Variants in CSMD2 observed in about 807,000 individuals in gnomAD.
The protein encoded by CSMD2 is CUB and sushi domain-containing protein 2.
Under a neutral mutation model 398.5 loss-of-function variants are expected in CSMD2, and 130 were observed. The observed-to-expected ratio is 0.33, with a 90% confidence interval of 0.28 to 0.38. CSMD2 has a LOEUF of 0.38. Among genes scored for constraint, CSMD2 ranks in the 10% least tolerant of loss-of-function variants. CSMD2 has a pLI of 1.00. For missense variants in CSMD2, 3,829 were observed against 4,764.9 expected, an observed-to-expected ratio of 0.80 and a Z score of 5.78; for synonymous variants, 1,828 against 1,908.5, an observed-to-expected ratio of 0.96 and a Z score of 1.10.
At chr1:33,850,642 C>T (rs1192140230) in intron 5 of CSMD2, among the ~76,000 whole-genome samples, 1 of 152,160 alleles carries the variant, frequency 6.6e-6, no homozygotes, top group Non-Finnish European at 1.5e-5. Flanking sequence ...CCCTTTCAAA[C>T]CTTTCTGTCC....
chr1:33,874,639 T>C (rs1396475967), intron 5 of CSMD2, among the ~76,000 whole-genome samples: 11 of 152,166 alleles, frequency 7.2e-5, no homozygotes, highest in Admixed American at 7.2e-4. Context: ...CCTGGATCTA[T>C]CCCTGGGTGT....
intron 1 of CSMD2, among the ~76,000 whole-genome samples, chr1:34,106,131 T>C (rs1660501669): frequency 6.6e-6 from 1 of 152,040 alleles, no homozygotes; most frequent in South Asian, 2.1e-4. Flanking sequence ...GCAGATTGCA[T>C]ATAATATGGT....
At chr1:34,110,083 C>CTCA (rs1660918042) in intron 1 of CSMD2, among the ~76,000 whole-genome samples, 1 of 139,080 alleles carries the variant, frequency 7.2e-6, no homozygotes, top group African/African-American at 2.6e-5. Context: ...GACTAACAAG[C>CTCA]ATATAAAAAA....
chr1:33,797,760 CA>C (rs1180115077), intron 10 of CSMD2, among the ~76,000 whole-genome samples: 6 of 152,204 alleles, frequency 3.9e-5, no homozygotes, highest in African/African-American at 1.4e-4. Flanking sequence ...CTGGGCTCTG[CA>C]GGGACTGAGG....
In CSMD2 at chr1:33,519,672, C is replaced by A. The variant is rs766618327; in HGVS notation, c.10742G>T (p.Arg3581Ile). ...FVLYLYKHRR[R>I]PKVPFNGYAG... ...ATAGCCATTGAAAGGAACTTTGGGTCTTCTCCTGGCGATAAAAGAGGAAGT... is the reference window on the plus strand; with the variant it reads ...ATAGCCATTGAAAGGAACTTTGGGTATTCTCCTGGCGATAAAAGAGGAAGT... Residue 3581 changes from arginine to isoleucine, a missense_variant, in exon 70 of 71, where the codon AGA (arginine) becomes ATA (isoleucine). By Grantham distance (97) the Arg-to-Ile change is moderately conservative. Transcript: ENST00000373381. This position sits in a 1 kb window ranked among gnomAD's most constrained non-coding sequence, Gnocchi z 5.6. 1.2e-6 allele frequency: 2 copies of A among 1,613,948 alleles called. No individual in the cohort carries two copies. Among genetic ancestry groups the A allele is most frequent in the Admixed American group, 3.3e-5 (2 of 60,008 alleles).
At chr1:33,860,046 T>A (rs1461027307) in intron 5 of CSMD2, among the ~76,000 whole-genome samples, 2 of 152,198 alleles carry the variant, frequency 1.3e-5, no homozygotes, top group African/African-American at 4.8e-5. Flanking sequence ...AATGTTGGCA[T>A]CTTACATAAC....
intron 37 of CSMD2, among the ~76,000 whole-genome samples, chr1:33,618,324 T>C (rs1375325338): frequency 2.6e-5 from 4 of 152,032 alleles, no homozygotes; most frequent in Non-Finnish European, 5.9e-5. Flanking sequence ...CCACTGCTAG[T>C]CCAGTCCACC....
chr1:33,525,460 AAT>A (rs1654685331), intron 65 of CSMD2, among the ~76,000 whole-genome samples: 1 of 152,212 alleles, frequency 6.6e-6, no homozygotes, highest in Non-Finnish European at 1.5e-5. Flanking sequence ...CACAAAGATA[AAT>A]ATCATATGAT....
chr1:33,534,839 A>G (rs577352110), intron 62 of CSMD2, among the ~76,000 whole-genome samples: 14 of 152,118 alleles, frequency 9.2e-5, no homozygotes, highest in Non-Finnish European at 1.5e-4. Flanking sequence ...CGACCCCACA[A>G]TCCAACCCAT....
At chr1:33,898,861 C>T (rs1642565714) in intron 5 of CSMD2, among the ~76,000 whole-genome samples, 1 of 152,160 alleles carries the variant, frequency 6.6e-6, no homozygotes, top group Non-Finnish European at 1.5e-5. Flanking sequence ...AGGACACTTG[C>T]CCTCATGTGA....
At chr1:34,079,955 T>C (rs1299961357) in intron 2 of CSMD2, among the ~76,000 whole-genome samples, 2 of 152,034 alleles carry the variant, frequency 1.3e-5, no homozygotes, top group Non-Finnish European at 2.9e-5. Flanking sequence ...GGATAGTGAC[T>C]CTTAGCCAGG....
In CSMD2 at chr1:33,672,070, G is replaced by C. The variant is rs1006610526; in HGVS notation, c.4053-8978C>G. ...TCCCAGCATGAGTGATGCAGAAGAC[G>C]GGTGATTTCTGCATTTCCAACTGAG... On this transcript the variant is annotated intron_variant, in intron 25 of 70. Coordinates refer to ENST00000373381, the MANE Select transcript of CSMD2 (RefSeq NM_001281956.2). Among the ~76,000 whole-genome samples, 3 of 152,308 alleles carry C rather than the reference G, an allele frequency of 2.0e-5. No homozygotes were observed. In the East Asian group the frequency reaches 5.8e-4, roughly 29 times the overall value.
intron 1 of CSMD2, among the ~76,000 whole-genome samples, chr1:34,107,483 T>A (rs1660637040): frequency 6.6e-6 from 1 of 152,134 alleles, no homozygotes; most frequent in African/African-American, 2.4e-5. Flanking sequence ...CCCCATTTCA[T>A]AGGTAAGGAA....
chr1:33,957,537 G>A (rs942783541), intron 3 of CSMD2, among the ~76,000 whole-genome samples: 2 of 152,166 alleles, frequency 1.3e-5, no homozygotes, highest in African/African-American at 4.8e-5. Flanking sequence ...TCATCAAAGG[G>A]GCTGTGAGTG....
At chr1:34,029,969 G>A (rs1650205783) in intron 3 of CSMD2, among the ~76,000 whole-genome samples, 1 of 152,204 alleles carries the variant, frequency 6.6e-6, no homozygotes, top group Non-Finnish European at 1.5e-5. Context: ...CAGGTGGGAG[G>A]AGGGATCCAC....
intron 29 of CSMD2, among the ~76,000 whole-genome samples, chr1:33,644,315 G>A (rs906473764): frequency 3.3e-5 from 5 of 152,202 alleles, no homozygotes; most frequent in African/African-American, 7.2e-5. Context: ...GCATGAACAA[G>A]GTGACTGGAG....
intron 44 of CSMD2, chr1:33,599,684 G>C (rs1316270802): frequency 6.5e-6 from 1 of 154,124 alleles, no homozygotes; most frequent in East Asian, 1.9e-4. Flanking sequence ...TTAGTGGAGC[G>C]ACAGGTGTGC....
At chr1:34,012,487 G>A (rs1647494725) in intron 3 of CSMD2, among the ~76,000 whole-genome samples, 1 of 151,716 alleles carries the variant, frequency 6.6e-6, no homozygotes, top group Non-Finnish European at 1.5e-5. Flanking sequence ...TGTCACCCAG[G>A]CTGGAGTACA....
At chr1:34,140,346 A>G (rs1234201938) in intron 1 of CSMD2, among the ~76,000 whole-genome samples, 1 of 2,412 alleles carries the variant, frequency 4.1e-4, no homozygotes, top group Admixed American at 9.6e-3. Context: ...AGAAGAAAGC[A>G]TGGCCCTGTG....
Sources: gnomAD v4.1 joint callset for allele counts (sites outside exome capture counted in the v4.1 genomes callset) on GRCh38, gnomAD v4.1.1 for gene constraint, Gnocchi (gnomAD v3.1) non-coding constraint, MANE v1.5 for transcripts, NCBI Gene and HGNC (gene_info 2026-07-23, HGNC 2026-07-21) for gene names.